The following ARAP2 variants were observed in gnomAD, a reference collection of about 807,000 sequenced individuals.
ARAP2 encodes the protein arf-GAP with Rho-GAP domain, ANK repeat and PH domain-containing protein 2.
In ARAP2, 148 loss-of-function variants were observed where a neutral mutation model predicts 194.5. The ratio of observed to expected loss-of-function variants is 0.76; its 90% confidence interval spans 0.67 to 0.87. The LOEUF is 0.87. Among genes scored for constraint, ARAP2 ranks in the 40% least tolerant of loss-of-function variants. ARAP2 has a pLI of 0.00. For missense variants in ARAP2, 2,128 were observed against 1,989.7 expected (o/e 1.07, Z -1.32); for synonymous variants, 695 against 683.5 (o/e 1.02, Z -0.26).
chr4:36,020,875 T>C (rs992770031), intron 5 of ARAP2, among the ~76,000 whole-genome samples: 2 of 152,202 alleles, frequency 1.3e-5, no homozygotes, highest in Non-Finnish European at 2.9e-5. Flanking sequence ...TTGGTAGTGC[T>C]AACAAAGTTT....
At chr4:36,129,217 T>C in intron 20 of ARAP2, among the ~76,000 whole-genome samples, 1 of 151,920 alleles carries the variant, frequency 6.6e-6, no homozygotes, top group Middle Eastern at 3.2e-3. Flanking sequence ...TGGTTACTGA[T>C]TCATGAAGTA....
chr4:36,038,282 C>T (rs531914180), intron 5 of ARAP2, among the ~76,000 whole-genome samples: 15 of 152,040 alleles, frequency 9.9e-5, no homozygotes, highest in Non-Finnish European at 2.2e-4. Context: ...TAAGGTATAT[C>T]CAATTTTAGA....
intron 14 of ARAP2, 53 bp from the exon 15 acceptor site, chr4:36,158,917 C>A: frequency 6.6e-7 from 1 of 1,515,796 alleles, no homozygotes; most frequent in Non-Finnish European, 8.9e-7. Flanking sequence ...AAACAATTTT[C>A]CTTTTGTTTA....
At chr4:36,051,689 T>A (rs988348771) in intron 3 of ARAP2, among the ~76,000 whole-genome samples, 2 of 152,362 alleles carry the variant, frequency 1.3e-5, no homozygotes, top group African/African-American at 4.8e-5. Flanking sequence ...CATACTCTTT[T>A]AGAAGTGTTT....
At chr4:36,178,156 T>G (rs904560599) in intron 8 of ARAP2, 151 bp from the exon 9 acceptor site, 2 of 640,434 alleles carry the variant, frequency 3.1e-6, no homozygotes, top group South Asian at 5.6e-5. Context: ...ACAGAGCCAA[T>G]GACTCAATTC....
intron 5 of ARAP2, among the ~76,000 whole-genome samples, chr4:36,041,615 G>T (rs1285084131): frequency 6.6e-6 from 1 of 152,148 alleles, no homozygotes; most frequent in Non-Finnish European, 1.5e-5. Flanking sequence ...GCAGAAAGTA[G>T]TATGGCAATT....
At chr4:36,046,155 A>G (rs1053910631) in intron 4 of ARAP2, 2 of 152,348 alleles carry the variant, frequency 1.3e-5, no homozygotes, top group African/African-American at 4.8e-5. Context: ...GTACCAGCCT[A>G]TAGGTAAGTG....
chr4:36,094,500 C>A (rs1243721222), intron 27 of ARAP2, among the ~76,000 whole-genome samples: 2 of 152,082 alleles, frequency 1.3e-5, no homozygotes, highest in African/African-American at 4.8e-5. Context: ...TCAGTAGTTT[C>A]TTTATTCATT....
At chr4:36,217,212 T>C (rs935571827) in intron 2 of ARAP2, among the ~76,000 whole-genome samples, 12 of 152,194 alleles carry the variant, frequency 7.9e-5, no homozygotes, top group Non-Finnish European at 1.8e-4. Context: ...AAAGGAGTTG[T>C]TTCAGAATGA....
chr4:36,090,272 C>A (rs773074666), intron 28 of ARAP2, among the ~76,000 whole-genome samples: 8 of 152,060 alleles, frequency 5.3e-5, no homozygotes, highest in African/African-American at 9.7e-5. Flanking sequence ...AAAAAGCCTA[C>A]CAACCACAAA....
chr4:36,212,469 C>A lies in ARAP2; in HGVS notation c.1060G>T (p.Glu354Ter), dbSNP rs551766032. Residue 354 changes from glutamate to a stop codon, truncating the protein, a stop_gained, in exon 5 of 33, where the codon GAA (glutamate) becomes TAA (stop). Coordinates refer to ENST00000303965, the MANE Select transcript of ARAP2 (RefSeq NM_015230.4). LOFTEE classifies it high-confidence loss of function. ...AGTGCTTCTCCCTGGGTCAAAAATT[C>A]ATTCTTTATAGATCGCTTCTATTAA... ...ENSKKRSIKN[E>*]FLTQGEALKG... 6.8e-6 allele frequency: 11 copies of A among 1,611,756 alleles called. No homozygotes were observed. In the Admixed American group the frequency reaches 1.7e-4, roughly 24 times the overall value.
chr4:36,185,591 T>C (rs545473929), intron 8 of ARAP2, among the ~76,000 whole-genome samples: 16 of 152,124 alleles, frequency 1.1e-4, no homozygotes, highest in African/African-American at 3.9e-4. Flanking sequence ...GTGCCAGGAA[T>C]CTAGCAGTTA....
chr4:36,139,998 C>G (rs1727857184), intron 19 of ARAP2, among the ~76,000 whole-genome samples: 1 of 151,578 alleles, frequency 6.6e-6, no homozygotes, highest in Non-Finnish European at 1.5e-5. Flanking sequence ...TCTAGCCCAT[C>G]CTATTTCTCT....
chr4:36,151,920 A>G (rs1275142619), intron 15 of ARAP2, among the ~76,000 whole-genome samples: 2 of 152,240 alleles, frequency 1.3e-5, no homozygotes, highest in Non-Finnish European at 2.9e-5. Context: ...TATTTGAGCT[A>G]TTCTTAGAAC....
chr4:36,072,692 A>AG (rs869182210), intron 32 of ARAP2, among the ~76,000 whole-genome samples: 2 of 150,594 alleles, frequency 1.3e-5, no homozygotes, highest in African/African-American at 4.9e-5. Context: ...AAAAAAAACA[A>AG]AAAAAAAAAC....
chr4:36,136,652 A>G (rs1393141030), intron 19 of ARAP2, among the ~76,000 whole-genome samples: 3 of 151,850 alleles, frequency 2.0e-5, no homozygotes, highest in African/African-American at 7.2e-5. Context: ...GCTGGAAAAG[A>G]TAATATCCTA....
chr4:36,133,290 C>T lies in ARAP2; in HGVS notation c.3363G>A (p.Gln1121=), dbSNP rs887028765. 5 of 1,611,218 alleles carry T rather than the reference C, an allele frequency of 3.1e-6. No individual in the cohort carries two copies. The highest frequency in any genetic ancestry group is 3.4e-6 in the Non-Finnish European group (4 of 1,178,326). The change falls in exon 20 of 33, where the codon CAG becomes CAA. Residue 1121 remains glutamine (Q), a synonymous_variant. Transcript: ENST00000303965. ...TGGGAACGTCATTTTTGCTGAGCTGCTGATCTTGTAAAGCATTACCATCTG... is the reference window on the plus strand; with the variant it reads ...TGGGAACGTCATTTTTGCTGAGCTGTTGATCTTGTAAAGCATTACCATCTG... ...AGTDGNALQD[Q]QLSKNDVPII... is the part of the protein sequence containing the mutation.
chr4:36,136,904 G>C (rs539583574), intron 19 of ARAP2, among the ~76,000 whole-genome samples: 1 of 140,690 alleles, frequency 7.1e-6, no homozygotes, highest in South Asian at 2.3e-4. Flanking sequence ...CACACTATTA[G>C]AATGGACACA....
chr4:36,194,716 T>C (rs763998384), intron 6 of ARAP2, among the ~76,000 whole-genome samples: 34 of 152,308 alleles, frequency 2.2e-4, no homozygotes, highest in Non-Finnish European at 4.1e-4. Context: ...GATAAAATTA[T>C]ACCAAATCTG....
Sources: allele counts gnomAD v4.1 joint callset (sites outside exome capture counted in the v4.1 genomes callset), GRCh38; gene constraint gnomAD v4.1.1; transcripts MANE v1.5; gene names NCBI Gene and HGNC (gene_info 2026-07-23, HGNC 2026-07-21).